Variants in MTUS2 observed in about 807,000 individuals in gnomAD.
MTUS2 encodes microtubule-associated tumor suppressor candidate 2.
A neutral mutation model predicts 114.1 loss-of-function variants in MTUS2; 40 were observed. That is an observed-to-expected ratio of 0.35 (90% CI 0.27 to 0.46). MTUS2 has a LOEUF of 0.46. Ranked by LOEUF, MTUS2 falls within the 20% of genes least tolerant of loss-of-function variation. The pLI is 1.00. For missense variants in MTUS2, 1,679 were observed against 1,705.4 expected, an observed-to-expected ratio of 0.98 and a Z score of 0.27; for synonymous variants, 688 against 672.0, an observed-to-expected ratio of 1.02 and a Z score of -0.37.
chr13:29,431,602 A>G (rs976351079), intron 8 of MTUS2, among the ~76,000 whole-genome samples: 8 of 152,242 alleles, frequency 5.3e-5, no homozygotes, highest in African/African-American at 1.9e-4. Context: ...AACCATAGGC[A>G]AGGTTTCTTG....
chr13:29,475,286 A>G (rs1376128382), intron 9 of MTUS2, among the ~76,000 whole-genome samples: 3 of 152,268 alleles, frequency 2.0e-5, no homozygotes, highest in Non-Finnish European at 2.9e-5. Flanking sequence ...TGTGCTGCCA[A>G]TCGTATAAAA....
chr13:29,368,293 G>A (rs557990903), intron 8 of MTUS2, among the ~76,000 whole-genome samples: 8 of 151,838 alleles, frequency 5.3e-5, no homozygotes, highest in South Asian at 2.1e-4. Flanking sequence ...GACAGCAGGT[G>A]GGACACAGTA....
chr13:29,044,987 C>T (rs1183103371), intron 4 of MTUS2, among the ~76,000 whole-genome samples: 1 of 152,114 alleles, frequency 6.6e-6, no homozygotes, highest in Non-Finnish European at 1.5e-5. Flanking sequence ...GCCATGTGTC[C>T]CCCTTTATCT....
At chr13:29,048,819 G>A (rs955781178) in intron 4 of MTUS2, among the ~76,000 whole-genome samples, 1 of 152,150 alleles carries the variant, frequency 6.6e-6, no homozygotes, top group Admixed American at 6.5e-5. Flanking sequence ...TGCTCAGACT[G>A]TCTTGCTGTG....
intron 2 of MTUS2, among the ~76,000 whole-genome samples, chr13:28,981,419 C>T (rs1427102303): frequency 3.9e-5 from 6 of 152,054 alleles, no homozygotes; most frequent in South Asian, 2.1e-4. Flanking sequence ...GGGTTGACTA[C>T]GAAGGAGCTG....
chr13:29,107,048 TC>T (rs1404125278), intron 5 of MTUS2, among the ~76,000 whole-genome samples: 12 of 151,998 alleles, frequency 7.9e-5, no homozygotes, highest in Admixed American at 5.2e-4. Context: ...GGAATACACC[TC>T]CCCCGGCCTT....
intron 6 of MTUS2, among the ~76,000 whole-genome samples, chr13:29,315,002 C>T (rs960635773): frequency 1.3e-5 from 2 of 152,092 alleles, no homozygotes; most frequent in African/African-American, 4.8e-5. Flanking sequence ...TAAAAAGAAT[C>T]GAGTTTTATC....
chr13:29,058,444 G>A (rs1427878618), intron 4 of MTUS2, among the ~76,000 whole-genome samples: 1 of 151,336 alleles, frequency 6.6e-6, no homozygotes, highest in Non-Finnish European at 1.5e-5. Flanking sequence ...TCTTTACACA[G>A]TTTCACATTT....
At chr13:29,276,652 C>CT (rs1351710689) in intron 5 of MTUS2, among the ~76,000 whole-genome samples, 1 of 152,158 alleles carries the variant, frequency 6.6e-6, no homozygotes, top group Non-Finnish European at 1.5e-5. Context: ...AATCCCAGCA[C>CT]TTTGGGAGGC....
chr13:29,067,724 G>A (rs894596640), intron 4 of MTUS2, among the ~76,000 whole-genome samples: 1 of 152,104 alleles, frequency 6.6e-6, no homozygotes, highest in Non-Finnish European at 1.5e-5. Flanking sequence ...GAAGGAATGT[G>A]AAATAGAAGT....
At chr13:29,386,430 G>C (rs1430156510) in intron 8 of MTUS2, among the ~76,000 whole-genome samples, 1 of 152,212 alleles carries the variant, frequency 6.6e-6, no homozygotes, top group Non-Finnish European at 1.5e-5. Flanking sequence ...AGGGTGATCA[G>C]AGATCTAGGT....
At chr13:29,357,643 T>A (rs1316349730) in intron 7 of MTUS2, among the ~76,000 whole-genome samples, 1 of 152,234 alleles carries the variant, frequency 6.6e-6, no homozygotes, top group African/African-American at 2.4e-5. Context: ...GCACTGAGAA[T>A]GTTGAGATAA....
chr13:28,987,937 C>G (rs1354064861), intron 2 of MTUS2, among the ~76,000 whole-genome samples: 1 of 152,150 alleles, frequency 6.6e-6, no homozygotes, highest in Non-Finnish European at 1.5e-5. Context: ...GACTTCTGGG[C>G]TAGGGGAATA....
chr13:29,342,357 G>A (rs1164899790), intron 7 of MTUS2, among the ~76,000 whole-genome samples: 1 of 151,852 alleles, frequency 6.6e-6, no homozygotes, highest in Non-Finnish European at 1.5e-5. Context: ...TCTTTGTAGA[G>A]GTCTTTCACT....
chr13:29,031,334 G>A (rs1040008060), intron 3 of MTUS2, among the ~76,000 whole-genome samples: 1 of 146,308 alleles, frequency 6.8e-6, no homozygotes, highest in East Asian at 2.0e-4. Flanking sequence ...ATCTATATAT[G>A]TTTCAATATA....
At chr13:29,465,926 A>C (rs1479426655) in intron 9 of MTUS2, among the ~76,000 whole-genome samples, 1 of 152,244 alleles carries the variant, frequency 6.6e-6, no homozygotes, top group Non-Finnish European at 1.5e-5. Flanking sequence ...AACCGCAACC[A>C]TGAGTGCAGC....
intron 3 of MTUS2, among the ~76,000 whole-genome samples, chr13:29,031,278 T>TGG (rs1886809933): frequency 7.3e-6 from 1 of 136,690 alleles, no homozygotes; most frequent in Non-Finnish European, 1.6e-5. Context: ...GTGGTGTGTG[T>TGG]TCACAGGTCT....
At chr13:29,027,613 G>A (rs1257085145) in intron 3 of MTUS2, among the ~76,000 whole-genome samples, 2 of 152,070 alleles carry the variant, frequency 1.3e-5, no homozygotes, top group East Asian at 1.9e-4. Flanking sequence ...GTGCAGTGGC[G>A]CGATCTCGGC....
At chr13:29,208,458 T>C (rs1895286621) in intron 5 of MTUS2, among the ~76,000 whole-genome samples, 2 of 152,118 alleles carry the variant, frequency 1.3e-5, no homozygotes, top group Admixed American at 1.3e-4. Flanking sequence ...TTATTTCTTT[T>C]CTTCTGCTGC....
Sources: gnomAD v4.1 joint callset for allele counts (sites outside exome capture counted in the v4.1 genomes callset) on GRCh38, gnomAD v4.1.1 for gene constraint, MANE v1.5 for transcripts, NCBI Gene and HGNC (gene_info 2026-07-23, HGNC 2026-07-21) for gene names.